GMDS: variants seen among roughly 807,000 people sequenced by gnomAD.
GMDS encodes GDP-mannose 4,6 dehydratase.
In GMDS, 20 loss-of-function variants were observed where a neutral mutation model predicts 49.9. The ratio of observed to expected loss-of-function variants is 0.40; its 90% CI spans 0.28 to 0.58. GMDS has a LOEUF of 0.58. GMDS is among the 20% of genes least tolerant of loss of function. GMDS has a pLI of 0.42. For missense variants in GMDS, 362 were observed against 481.4 expected (o/e 0.75, Z 2.32); for synonymous variants, 177 against 178.6 (o/e 0.99, Z 0.07).
intron 7 of GMDS, among the ~76,000 whole-genome samples, chr6:1,777,260 G>A (rs1768874649): frequency 6.6e-6 from 1 of 152,234 alleles, no homozygotes; most frequent in South Asian, 2.1e-4. Flanking sequence ...CAGCTCCTAG[G>A]CAGCCTGGAG....
At chr6:1,936,851 T>TA (rs1762572889) in intron 6 of GMDS, among the ~76,000 whole-genome samples, 1 of 151,478 alleles carries the variant, frequency 6.6e-6, no homozygotes, top group Admixed American at 6.6e-5. Flanking sequence ...CATATAATCC[T>TA]AGCTACTCAG....
At chr6:2,100,993 AAG>A (rs1266835201) in intron 4 of GMDS, among the ~76,000 whole-genome samples, 2 of 152,006 alleles carry the variant, frequency 1.3e-5, no homozygotes, top group East Asian at 3.8e-4. Context: ...GTTATTATGA[AAG>A]ATATTGCAAT....
At chr6:1,922,637 T>C (rs994313686) in intron 7 of GMDS, among the ~76,000 whole-genome samples, 4 of 152,176 alleles carry the variant, frequency 2.6e-5, no homozygotes, top group African/African-American at 9.7e-5. Context: ...CCTCTGCCTA[T>C]AAAGACCCCA....
chr6:1,698,941 A>G (rs2113358647), intron 9 of GMDS, among the ~76,000 whole-genome samples: 1 of 152,218 alleles, frequency 6.6e-6, no homozygotes, highest in African/African-American at 2.4e-5. Flanking sequence ...AGACACTCAC[A>G]ACAAGCCACA....
chr6:1,855,242 C>T (rs1349585723), intron 7 of GMDS, among the ~76,000 whole-genome samples: 1 of 152,214 alleles, frequency 6.6e-6, no homozygotes, highest in Non-Finnish European at 1.5e-5. Context: ...AGACCTAAGA[C>T]ATTCAGAGTC....
Position 1,790,372 on chromosome 6 carries a change from C to A in GMDS, c.772-47786G>T, listed in dbSNP as rs571043049. Among the ~76,000 whole-genome samples, 69 of 152,306 alleles carry A rather than the reference C, an allele frequency of 4.5e-4. 1 individual carries two copies. The highest frequency in any genetic ancestry group is 1.6e-3 in the African/African-American group (67 of 41,570). Reference sequence around the variant, plus strand: ...TTACCACAGCCCAGTAGGGCAGACACTACTATTTTCTTTATTTTATAAAGA... The same window carrying A: ...TTACCACAGCCCAGTAGGGCAGACAATACTATTTTCTTTATTTTATAAAGA... On this transcript the variant is annotated intron_variant, in intron 7 of 10. Transcript: ENST00000380815.
At chr6:2,135,122 A>G (rs1775929673) in intron 1 of GMDS, among the ~76,000 whole-genome samples, 1 of 152,186 alleles carries the variant, frequency 6.6e-6, no homozygotes, top group African/African-American at 2.4e-5. Context: ...CTCTCCCTCA[A>G]TCAAAATAAA....
intron 7 of GMDS, among the ~76,000 whole-genome samples, chr6:1,795,595 CA>C (rs1769707758): frequency 6.9e-6 from 1 of 145,098 alleles, no homozygotes; most frequent in African/African-American, 2.9e-5. Flanking sequence ...AAATGATAAT[CA>C]AACAATGAGA....
chr6:2,037,043 T>C (rs1209760842), intron 4 of GMDS, among the ~76,000 whole-genome samples: 1 of 152,130 alleles, frequency 6.6e-6, no homozygotes, highest in Non-Finnish European at 1.5e-5. Flanking sequence ...GAGCCCTTGG[T>C]AGCATCATGA....
At chr6:1,804,870 C>T (rs918597208) in intron 7 of GMDS, among the ~76,000 whole-genome samples, 1 of 152,172 alleles carries the variant, frequency 6.6e-6, no homozygotes, top group Middle Eastern at 3.2e-3. Context: ...AACTTTAAGG[C>T]ATAGAACACT....
intron 1 of GMDS, among the ~76,000 whole-genome samples, chr6:2,179,785 C>A (rs2127560826): frequency 6.6e-6 from 1 of 152,196 alleles, no homozygotes; most frequent in East Asian, 1.9e-4. Flanking sequence ...AGGTGATAAA[C>A]CCATCTATCT....
chr6:2,215,388 A>G (rs163074), intron 1 of GMDS, among the ~76,000 whole-genome samples: 48,229 of 152,052 alleles, frequency 0.32, 8,357 homozygotes, highest in East Asian at 0.59. Context: ...CATGGCAGAA[A>G]GCAAAAGGAA....
chr6:1,888,922 C>A (rs1470351629), intron 7 of GMDS, among the ~76,000 whole-genome samples: 1 of 152,164 alleles, frequency 6.6e-6, no homozygotes, highest in Non-Finnish European at 1.5e-5. Context: ...AAATAATCTC[C>A]TTTGACGTCA....
At chr6:1,637,330 G>A (rs980676814) in intron 9 of GMDS, among the ~76,000 whole-genome samples, 2 of 152,220 alleles carry the variant, frequency 1.3e-5, no homozygotes, top group African/African-American at 4.8e-5. Context: ...GGCCGGCCCC[G>A]CAGACAGCAC....
chr6:2,004,311 A>G (rs937670806), intron 4 of GMDS, among the ~76,000 whole-genome samples: 3 of 152,188 alleles, frequency 2.0e-5, no homozygotes, highest in Admixed American at 2.0e-4. Context: ...TGCTTTGTGG[A>G]GATCATGACC....
chr6:1,669,370 T>G lies in GMDS; in HGVS notation c.988-44830A>C, dbSNP rs1191908077. Among the ~76,000 whole-genome samples, 62 of 152,260 alleles carry G rather than the reference T, an allele frequency of 4.1e-4. 1 individual carries two copies. Among genetic ancestry groups the G allele is most frequent in the Non-Finnish European group, 1.5e-5 (1 of 68,034 alleles). On this transcript the variant is annotated intron_variant, in intron 9 of 10. Transcript: ENST00000380815. Reference sequence around the variant, plus strand: ...GTCTACACTCTGGAGGCACACATACTCTCTGGGATACACTTCAGAATCAGT... The same window carrying G: ...GTCTACACTCTGGAGGCACACATACGCTCTGGGATACACTTCAGAATCAGT...
At chr6:1,801,195 T>C (rs1044651625) in intron 7 of GMDS, among the ~76,000 whole-genome samples, 5 of 152,170 alleles carry the variant, frequency 3.3e-5, no homozygotes, top group African/African-American at 1.2e-4. Flanking sequence ...AACAGAGAAA[T>C]ATTCTGTGAG....
chr6:2,045,484 T>C (rs1022722731), intron 4 of GMDS, among the ~76,000 whole-genome samples: 1 of 152,166 alleles, frequency 6.6e-6, no homozygotes, highest in Non-Finnish European at 1.5e-5. Flanking sequence ...TTTATAATTG[T>C]AATACTATTG....
chr6:1,646,739 T>C (rs1162410345), intron 9 of GMDS, among the ~76,000 whole-genome samples: 3 of 152,272 alleles, frequency 2.0e-5, no homozygotes, highest in South Asian at 2.1e-4. Context: ...CCCATTTTTT[T>C]CCACCTATAT....
Sources: allele counts gnomAD v4.1 joint callset (sites outside exome capture counted in the v4.1 genomes callset), GRCh38; gene constraint gnomAD v4.1.1; transcripts MANE v1.5; gene names NCBI Gene and HGNC (gene_info 2026-07-23, HGNC 2026-07-21).